GUCY1A2: variants seen among roughly 807,000 people sequenced by gnomAD.
GUCY1A2 encodes guanylate cyclase soluble subunit alpha-2.
In GUCY1A2, 27 loss-of-function variants were observed where a neutral mutation model predicts 63.5. The observed-to-expected ratio is 0.43, with a 90% CI of 0.31 to 0.59. The LOEUF (loss-of-function observed/expected upper bound fraction) is 0.59, where lower values mean the gene tolerates loss of function less well. GUCY1A2 is among the 20% of genes least tolerant of loss of function. GUCY1A2 has a pLI of 0.11. For missense variants in GUCY1A2, 768 were observed against 913.3 expected (o/e 0.84, Z 2.05); for synonymous variants, 364 against 343.5 (o/e 1.06, Z -0.66).
At chr11:106,926,787 G>A (rs1338809569) in intron 4 of GUCY1A2, among the ~76,000 whole-genome samples, 2 of 151,770 alleles carry the variant, frequency 1.3e-5, no homozygotes, top group African/African-American at 4.8e-5. Context: ...GAAAACTAAA[G>A]TGATCAAACC....
At chr11:106,954,729 T>G (rs1343400172) in intron 3 of GUCY1A2, among the ~76,000 whole-genome samples, 1 of 152,216 alleles carries the variant, frequency 6.6e-6, no homozygotes, top group Non-Finnish European at 1.5e-5. Flanking sequence ...TAGCTCTTCT[T>G]GTTGAATTCT....
intron 5 of GUCY1A2, among the ~76,000 whole-genome samples, chr11:106,795,102 C>T (rs2135414661): frequency 6.6e-6 from 1 of 152,292 alleles, no homozygotes; most frequent in Admixed American, 6.5e-5. Flanking sequence ...ACCTATAATA[C>T]TGCTCCCATT....
intron 4 of GUCY1A2, among the ~76,000 whole-genome samples, chr11:106,897,301 C>G (rs1860064072): frequency 6.6e-6 from 1 of 152,134 alleles, no homozygotes; most frequent in Non-Finnish European, 1.5e-5. Context: ...AATGAAATCT[C>G]TGTTAAAATC....
At chr11:106,754,537 C>T (rs1010657910) in intron 6 of GUCY1A2, among the ~76,000 whole-genome samples, 2 of 152,104 alleles carry the variant, frequency 1.3e-5, no homozygotes, top group East Asian at 1.9e-4. Context: ...TCCATCGATA[C>T]CTAGTTTATT....
At chr11:106,834,347 TATC>T (rs1859089963) in intron 4 of GUCY1A2, among the ~76,000 whole-genome samples, 1 of 152,018 alleles carries the variant, frequency 6.6e-6, no homozygotes, top group African/African-American at 2.4e-5. Context: ...CTTAGCATAA[TATC>T]ATCTGGGCTC....
chr11:106,890,421 G>T (rs751306690), intron 4 of GUCY1A2, among the ~76,000 whole-genome samples: 2 of 152,128 alleles, frequency 1.3e-5, no homozygotes, highest in African/African-American at 2.4e-5. Context: ...CAGGATGCTG[G>T]TTCTGGCTCT....
intron 4 of GUCY1A2, among the ~76,000 whole-genome samples, chr11:106,876,227 G>T: frequency 6.6e-6 from 1 of 151,882 alleles, no homozygotes; most frequent in East Asian, 1.9e-4. Context: ...CTCTGAATGA[G>T]AAAAAGAAGA....
At chr11:106,730,372 G>A (rs1863482419) in intron 6 of GUCY1A2, among the ~76,000 whole-genome samples, 1 of 151,668 alleles carries the variant, frequency 6.6e-6, no homozygotes. Flanking sequence ...GTGATATTTG[G>A]TTTTCTGTTC....
intron 6 of GUCY1A2, among the ~76,000 whole-genome samples, chr11:106,727,827 G>A (rs1239003874): frequency 6.6e-6 from 1 of 151,918 alleles, no homozygotes; most frequent in Non-Finnish European, 1.5e-5. Flanking sequence ...CCTCTTACCT[G>A]GCCAATCACA....
chr11:106,958,226 A>G (rs535108488), intron 3 of GUCY1A2, among the ~76,000 whole-genome samples: 1 of 152,316 alleles, frequency 6.6e-6, no homozygotes, highest in East Asian at 1.9e-4. Flanking sequence ...TCATGAAGCC[A>G]TCAAGTACAT....
rs571657776 is a variant in GUCY1A2 at position 106,684,012 on chromosome 11, T to G, written c.*3537A>C. 8 of 193,862 alleles carry G rather than the reference T, an allele frequency of 4.1e-5. No homozygotes were observed. The highest frequency in any genetic ancestry group is 1.9e-4 in the African/African-American group (8 of 43,234). The allele number at this position is 193,862 out of a possible 1,614,324, so 12.0% of individuals were successfully genotyped here. A position where few individuals can be genotyped will look rare whatever the true frequency, so the allele number is the denominator to read the frequency against. Reference sequence around the variant, plus strand: ...GAACTCTTTGGAGGCATTTGCAAAATTAAAAGTCTTGCTCCCCTTGTGAAT... The same window carrying G: ...GAACTCTTTGGAGGCATTTGCAAAAGTAAAAGTCTTGCTCCCCTTGTGAAT... On this transcript the variant is annotated 3_prime_UTR_variant, in exon 8 of 8. Coordinates refer to ENST00000526355, the MANE Select transcript of GUCY1A2 (RefSeq NM_000855.3).
rs1487590759 is a variant in GUCY1A2 at position 106,839,205 on chromosome 11, T to A, written c.1207-28727A>T. Among the ~76,000 whole-genome samples, 6 of 152,148 alleles carry A rather than the reference T, an allele frequency of 3.9e-5. No homozygotes were observed. The East Asian group carries it at 9.7e-4, about 25-fold the overall frequency. On this transcript the variant is annotated intron_variant, in intron 4 of 7. Coordinates refer to ENST00000526355, the MANE Select transcript of GUCY1A2 (RefSeq NM_000855.3). The stretch of plus-strand genomic sequence containing the variant: ...AGCTTTCTACATATGGCTAGCCAGT[T>A]TTCCCAGCACCATTTGTTAAATAGG...
intron 7 of GUCY1A2, among the ~76,000 whole-genome samples, chr11:106,708,000 A>G (rs746404752): frequency 1.3e-4 from 20 of 152,094 alleles, no homozygotes; most frequent in Non-Finnish European, 2.4e-4. Flanking sequence ...TCACCAGGTA[A>G]TATGCACAAA....
At chr11:106,723,413 C>G (rs1413086618) in intron 6 of GUCY1A2, among the ~76,000 whole-genome samples, 1 of 152,196 alleles carries the variant, frequency 6.6e-6, no homozygotes, top group African/African-American at 2.4e-5. Flanking sequence ...TTTTCATTAC[C>G]TGTCTCCTTT....
chr11:106,682,099 C>T lies in GUCY1A2; in HGVS notation c.*5450G>A. 4.8e-6 allele frequency: 1 copy of T among 206,458 alleles called. No homozygotes were observed. The highest frequency in any genetic ancestry group is 9.6e-6 in the Non-Finnish European group (1 of 104,200). 12.8% of individuals were successfully genotyped at this position (206,458 alleles called of 1,614,324 possible). On this transcript the variant is annotated 3_prime_UTR_variant, in exon 8 of 8. Transcript: ENST00000526355. ...GTATGCCTAATAGCCCTATAGTGAG[C>T]AATATTCATCCCTCATGCTTATCAG...
intron 4 of GUCY1A2, among the ~76,000 whole-genome samples, chr11:106,906,248 A>C (rs1038110015): frequency 6.6e-5 from 10 of 152,208 alleles, no homozygotes; most frequent in African/African-American, 2.2e-4. Flanking sequence ...AATTTACAAG[A>C]AAAAAGCAAC....
chr11:106,685,175 A>G lies in GUCY1A2; in HGVS notation c.*2374T>C, dbSNP rs1862502500. 4.9e-6 allele frequency: 1 copy of G among 205,036 alleles called. No homozygotes were observed. 12.7% of individuals were successfully genotyped at this position (205,036 alleles called of 1,614,324 possible). On this transcript the variant is annotated 3_prime_UTR_variant, in exon 8 of 8. Coordinates refer to ENST00000526355, the MANE Select transcript of GUCY1A2 (RefSeq NM_000855.3). ...TGACATCCTGTCAGTGATAAATAAGAAATCTCTGGCACGTTCTTCATCGTG... is the reference window on the plus strand; with the variant it reads ...TGACATCCTGTCAGTGATAAATAAGGAATCTCTGGCACGTTCTTCATCGTG...
chr11:106,974,397 T>A lies in GUCY1A2; in HGVS notation c.487+4222A>T, dbSNP rs561645917. Among the ~76,000 whole-genome samples, 24 of 152,240 alleles carry A rather than the reference T, an allele frequency of 1.6e-4. No individual in the cohort carries two copies. The South Asian group carries it at 3.3e-3, about 21-fold the overall frequency. On this transcript the variant is annotated intron_variant, in intron 3 of 7. Transcript: ENST00000526355. ...GAAAATCTCCAAGTTAGTCTTAACC[T>A]AACCTTAAGCTAATTCTTCACAATT...
chr11:106,755,869 G>A (rs971505875), intron 6 of GUCY1A2, among the ~76,000 whole-genome samples: 5 of 152,090 alleles, frequency 3.3e-5, no homozygotes, highest in Non-Finnish European at 5.9e-5. Context: ...AGGTCCACTC[G>A]GTCCACAGCA....
Sources: allele counts gnomAD v4.1 joint callset (sites outside exome capture counted in the v4.1 genomes callset), GRCh38; gene constraint gnomAD v4.1.1; transcripts MANE v1.5; gene names NCBI Gene and HGNC (gene_info 2026-07-23, HGNC 2026-07-21).